The following TMEM163 variants were observed in gnomAD, a reference collection of about 807,000 sequenced individuals.
TMEM163 encodes the protein transmembrane protein 163.
A neutral mutation model predicts 29.3 loss-of-function variants in TMEM163; 17 were observed. That is an observed-to-expected ratio of 0.58 (90% confidence interval 0.40 to 0.87). The LOEUF (loss-of-function observed/expected upper bound fraction) is 0.87. Among genes scored for constraint, TMEM163 ranks in the 40% least tolerant of loss-of-function variants. The pLI is 0.00. For missense variants in TMEM163, 303 were observed against 381.5 expected, an observed-to-expected ratio of 0.79 and a Z score of 1.71; for synonymous variants, 157 against 160.6, an observed-to-expected ratio of 0.98 and a Z score of 0.17.
chr2:134,707,376 A>T lies in TMEM163; in HGVS notation c.322+5824T>A, dbSNP rs145908134. Among the ~76,000 whole-genome samples the T allele has an allele frequency of 7.2e-4, 109 of 152,308 alleles. 2 individuals carry two copies. In the East Asian group the frequency reaches 0.015, roughly 20 times the overall value. On this transcript the variant is annotated intron_variant, in intron 2 of 7. Coordinates refer to ENST00000281924, the MANE Select transcript of TMEM163 (RefSeq NM_030923.5). ...AAATGTCCTGAAGAACAATTAAGAC[A>T]CTGGTAACAAAGGCTGCCAGCGGAA...
At chr2:134,528,902 C>G (rs1284264049) in intron 4 of TMEM163, among the ~76,000 whole-genome samples, 2 of 152,136 alleles carry the variant, frequency 1.3e-5, no homozygotes, top group Non-Finnish European at 2.9e-5. Flanking sequence ...AACGGTGCAT[C>G]AATAAGATGC....
chr2:134,659,251 C>G (rs982062332), intron 2 of TMEM163, among the ~76,000 whole-genome samples: 3 of 152,220 alleles, frequency 2.0e-5, no homozygotes, highest in Admixed American at 6.5e-5. Flanking sequence ...TTTTCCAGCT[C>G]CATTTTAATC....
At chr2:134,685,735 G>A (rs1259952372) in intron 2 of TMEM163, among the ~76,000 whole-genome samples, 1 of 152,080 alleles carries the variant, frequency 6.6e-6, no homozygotes, top group Non-Finnish European at 1.5e-5. Context: ...AGAATTCTCT[G>A]TCCAAAAATA....
At chr2:134,661,356 C>G (rs1683745930) in intron 2 of TMEM163, among the ~76,000 whole-genome samples, 3 of 152,310 alleles carry the variant, frequency 2.0e-5, no homozygotes, top group Admixed American at 1.3e-4. Flanking sequence ...GTTATAGCAA[C>G]ACGAAACAAA....
chr2:134,485,802 C>G (rs475921), intron 5 of TMEM163, among the ~76,000 whole-genome samples: 51,709 of 152,006 alleles, frequency 0.34, 9,043 homozygotes, highest in Middle Eastern at 0.49. Flanking sequence ...TCTTCAGAAA[C>G]ACTAGGACAT....
At chr2:134,714,025 G>A (rs1006395275) in intron 1 of TMEM163, among the ~76,000 whole-genome samples, 3 of 152,150 alleles carry the variant, frequency 2.0e-5, no homozygotes, top group Non-Finnish European at 2.9e-5. Context: ...TAGCTTCCCA[G>A]GTAGGCCATG....
At chr2:134,629,625 C>T (rs1457058811) in intron 2 of TMEM163, among the ~76,000 whole-genome samples, 1 of 152,172 alleles carries the variant, frequency 6.6e-6, no homozygotes, top group Non-Finnish European at 1.5e-5. Flanking sequence ...GATTATACTA[C>T]TTCCCCCTCT....
intron 6 of TMEM163, chr2:134,458,658 C>T (rs1167280871): frequency 6.4e-6 from 1 of 156,916 alleles, no homozygotes; most frequent in African/African-American, 2.4e-5. Context: ...ACATTATCAT[C>T]ATCATCCCTG....
chr2:134,677,322 T>C (rs1287969587), intron 2 of TMEM163, among the ~76,000 whole-genome samples: 1 of 152,106 alleles, frequency 6.6e-6, no homozygotes, highest in Non-Finnish European at 1.5e-5. Flanking sequence ...ACCCCCTCCC[T>C]CAGAACCAAA....
intron 4 of TMEM163, among the ~76,000 whole-genome samples, chr2:134,541,146 C>T (rs1293020841): frequency 6.6e-6 from 1 of 152,196 alleles, no homozygotes; most frequent in Non-Finnish European, 1.5e-5. Context: ...GCCTAGGTTC[C>T]ACAGTCTGGG....
At chr2:134,626,272 T>G (rs1259061423) in intron 2 of TMEM163, among the ~76,000 whole-genome samples, 1 of 151,906 alleles carries the variant, frequency 6.6e-6, no homozygotes, top group East Asian at 1.9e-4. Context: ...GCCCAGCTAA[T>G]TTTTGTATTT....
chr2:134,685,000 A>C (rs1684324593), intron 2 of TMEM163, among the ~76,000 whole-genome samples: 2 of 151,992 alleles, frequency 1.3e-5, no homozygotes, highest in South Asian at 4.2e-4. Flanking sequence ...GCACTCCAAG[A>C]ACGTCCATCC....
intron 2 of TMEM163, among the ~76,000 whole-genome samples, chr2:134,632,692 A>T (rs913514147): frequency 6.6e-6 from 1 of 150,782 alleles, no homozygotes; most frequent in African/African-American, 2.4e-5. Context: ...GACCCCATTC[A>T]TGGTGGCAAA....
At chr2:134,664,054 C>T (rs971056780) in intron 2 of TMEM163, among the ~76,000 whole-genome samples, 3 of 152,232 alleles carry the variant, frequency 2.0e-5, no homozygotes, top group South Asian at 2.1e-4. Context: ...CCATCTGTGT[C>T]ACAGCATTTC....
intron 2 of TMEM163, among the ~76,000 whole-genome samples, chr2:134,691,111 C>T (rs1192698556): frequency 6.6e-6 from 1 of 152,192 alleles, no homozygotes; most frequent in East Asian, 1.9e-4. Context: ...GTGGTTCATA[C>T]AAACAGCAGT....
At position 134,503,073 on chromosome 2, in the gene TMEM163, C is replaced by T. The variant is rs1192629246; in HGVS notation, c.459-76G>A. On this transcript the variant is annotated intron_variant, in intron 4 of 7. Coordinates refer to ENST00000281924, the MANE Select transcript of TMEM163 (RefSeq NM_030923.5). ...GAAGAGTCCACACAATTGACAGTGA[C>T]AAAGACACAATCTGGGAATGAACTC... is the stretch of plus-strand genomic sequence containing the variant. 7 of 1,376,840 alleles carry T rather than the reference C, an allele frequency of 5.1e-6. No homozygotes were observed. In the Admixed American group the frequency reaches 1.0e-4, roughly 20 times the overall value. 85.3% of individuals were successfully genotyped at this position (1,376,840 alleles called of 1,614,324 possible).
intron 2 of TMEM163, among the ~76,000 whole-genome samples, chr2:134,639,172 G>C (rs1013333447): frequency 6.6e-6 from 1 of 152,174 alleles, no homozygotes; most frequent in Non-Finnish European, 1.5e-5. Flanking sequence ...GCATTCCACC[G>C]AGCTGACACT....
chr2:134,533,510 TA>T (rs1680460339), intron 4 of TMEM163, among the ~76,000 whole-genome samples: 1 of 152,228 alleles, frequency 6.6e-6, no homozygotes, highest in Non-Finnish European at 1.5e-5. Context: ...ACATTCATAT[TA>T]ATTGAAACAT....
In TMEM163 at chr2:134,509,935, T is replaced by C. The variant is rs114939127; in HGVS notation, c.459-6938A>G. Among the ~76,000 whole-genome samples the C allele has an allele frequency of 7.1e-3, 1,078 of 152,282 alleles. 10 individuals are homozygous for C. The highest frequency in any genetic ancestry group is 0.024 in the African/African-American group (1,001 of 41,558). The stretch of plus-strand genomic sequence containing the variant: ...TCCAGACAGAGCAGAGGAAATTTTA[T>C]GGACTAAAGCATAAAGACACAGCAC... On this transcript the variant is annotated intron_variant, in intron 4 of 7. Coordinates refer to ENST00000281924, the MANE Select transcript of TMEM163 (RefSeq NM_030923.5).
Sources: allele counts gnomAD v4.1 joint callset (sites outside exome capture counted in the v4.1 genomes callset), GRCh38; gene constraint gnomAD v4.1.1; transcripts MANE v1.5; gene names NCBI Gene and HGNC (gene_info 2026-07-23, HGNC 2026-07-21).